The following DYSF variants were observed in gnomAD, a reference collection of about 807,000 sequenced individuals.
DYSF encodes the protein dystrophy-associated fer-1-like 1.
DYSF carries 212 observed loss-of-function variants against 274.9 expected under a neutral mutation model. That is an observed-to-expected ratio of 0.77 (90% CI 0.69 to 0.86). The LOEUF (loss-of-function observed/expected upper bound fraction) is 0.86. Ranked by LOEUF, DYSF falls within the 40% of genes least tolerant of loss-of-function variation. The probability of loss-of-function intolerance (pLI) is 0.00; values close to 1 mark genes in which losing one functional copy is unlikely to be tolerated. For synonymous variants in DYSF, 1,091 were observed against 1,078.7 expected (o/e 1.01, Z -0.22); for missense variants, 2,666 against 2,783.2 (o/e 0.96, Z 0.95).
chr2:71,625,881 G>A (rs1204419977), intron 41 of DYSF, among the ~76,000 whole-genome samples: 1 of 151,486 alleles, frequency 6.6e-6, no homozygotes, highest in Admixed American at 6.6e-5. Flanking sequence ...ATTATATTTA[G>A]TTCTAGCAAT....
intron 3 of DYSF, among the ~76,000 whole-genome samples, chr2:71,493,293 C>A (rs926528721): frequency 6.6e-6 from 1 of 152,170 alleles, no homozygotes; most frequent in Non-Finnish European, 1.5e-5. Context: ...TCCCCCAGTG[C>A]GGGATTCAGC....
chr2:71,612,905 G>A (rs764093921), intron 39 of DYSF, 99 bp downstream of exon 39: 36 of 1,407,386 alleles, frequency 2.6e-5, no homozygotes, highest in Admixed American at 6.7e-5. Flanking sequence ...CTTCTCTTAC[G>A]GAGACCTGAA....
At chr2:71,515,933 C>T (rs549194661) in intron 8 of DYSF, among the ~76,000 whole-genome samples, 182 bp downstream of exon 8, 11 of 152,316 alleles carry the variant, frequency 7.2e-5, no homozygotes, top group African/African-American at 2.6e-4. Context: ...GCTCTTACTT[C>T]TCCTGCTGCT....
chr2:71,509,576 C>T (rs532792195), intron 4 of DYSF, among the ~76,000 whole-genome samples: 1 of 152,156 alleles, frequency 6.6e-6, no homozygotes, highest in Non-Finnish European at 1.5e-5. Context: ...GTTGGCATTT[C>T]GTGGTCAGGA....
intron 44 of DYSF, among the ~76,000 whole-genome samples, chr2:71,660,217 G>A (rs1161434700): frequency 3.9e-5 from 6 of 152,214 alleles, no homozygotes; most frequent in Non-Finnish European, 8.8e-5. Context: ...ATATGCTTAA[G>A]CAGAGGTCAC....
At chr2:71,669,791 T>C in intron 51 of DYSF, 45 bp downstream of exon 51, 1 of 1,613,776 alleles carries the variant, frequency 6.2e-7, no homozygotes, top group Non-Finnish European at 8.5e-7. Flanking sequence ...CCAGGGCTTC[T>C]AAAGTTAGCC....
At chr2:71,543,036 C>T (rs1046085221) in intron 17 of DYSF, among the ~76,000 whole-genome samples, 4 of 151,128 alleles carry the variant, frequency 2.6e-5, no homozygotes, top group Admixed American at 6.6e-5. Flanking sequence ...GGTGGCTGGC[C>T]GGGCGGGGGC....
intron 29 of DYSF, among the ~76,000 whole-genome samples, chr2:71,571,086 GCACACA>G (rs1344105183): frequency 1.7e-5 from 2 of 120,700 alleles, no homozygotes; most frequent in African/African-American, 7.5e-5. Context: ...ATTACACCCA[GCACACA>G]CACAGATCAC....
intron 19 of DYSF, 94 bp downstream of exon 19, chr2:71,551,814 G>A: frequency 9.8e-7 from 1 of 1,020,782 alleles, no homozygotes; most frequent in East Asian, 2.5e-5. Context: ...GCCGAGGGAG[G>A]AGGAAGCTCT....
At chr2:71,665,094 C>T in intron 46 of DYSF, 68 bp from the exon 47 acceptor site, 1 of 1,607,806 alleles carries the variant, frequency 6.2e-7, no homozygotes, top group Non-Finnish European at 8.5e-7. Flanking sequence ...ACACCAGTCC[C>T]TGCATGCCCC....
intron 1 of DYSF, among the ~76,000 whole-genome samples, chr2:71,458,457 C>G (rs1479777638): frequency 2.0e-5 from 3 of 152,184 alleles, no homozygotes; most frequent in African/African-American, 7.2e-5. Context: ...CTGTCTGCCC[C>G]CAGGGACACT....
intron 3 of DYSF, among the ~76,000 whole-genome samples, chr2:71,502,871 C>T (rs1461326329): frequency 1.3e-5 from 2 of 152,278 alleles, no homozygotes; most frequent in East Asian, 1.9e-4. Context: ...GAGATACTGA[C>T]CTGGTGGACT....
At chr2:71,674,845 A>C (rs2095193402) in intron 52 of DYSF, among the ~76,000 whole-genome samples, 1 of 152,182 alleles carries the variant, frequency 6.6e-6, no homozygotes, top group African/African-American at 2.4e-5. Context: ...TATGGGGACA[A>C]GGAGGAAGAC....
At chr2:71,550,539 C>T (rs576027157) in intron 17 of DYSF, among the ~76,000 whole-genome samples, 19 of 151,742 alleles carry the variant, frequency 1.3e-4, no homozygotes, top group Admixed American at 3.9e-4. Flanking sequence ...GAGATGGTTT[C>T]TCTGGTTACC....
rs778634483 is a variant in DYSF at position 71,549,408 on chromosome 2, T to A, written c.1577-1633T>A. ...CCTCAGACTGTACGTTGCTGTCACC[T>A]TGGGGACAACCAGGGGAGTGGGGCC... is the stretch of plus-strand genomic sequence containing the variant. On this transcript the variant is annotated intron_variant, in intron 17 of 55. Coordinates refer to ENST00000410020, the MANE Select transcript of DYSF (RefSeq NM_001130987.2). 6.2e-7 allele frequency: 1 copy of A among 1,610,010 alleles called. No homozygotes were observed. The highest frequency in any genetic ancestry group is 1.3e-5 in the African/African-American group (1 of 74,796).
intron 1 of DYSF, among the ~76,000 whole-genome samples, chr2:71,470,944 A>G (rs1408828562): frequency 3.3e-5 from 5 of 151,750 alleles, no homozygotes; most frequent in Non-Finnish European, 1.5e-5. Flanking sequence ...GGCACCTGCA[A>G]CCATGCCTGG....
intron 1 of DYSF, chr2:71,454,139 A>G (rs2152621020): frequency 2.6e-6 from 4 of 1,549,634 alleles, no homozygotes; most frequent in South Asian, 1.1e-5. Context: ...AGAGGAGGGG[A>G]CGCCGCGGCT....
chr2:71,553,921 C>T lies in DYSF; in HGVS notation c.2099C>T (p.Ala700Val). Residue 700 changes from alanine to valine, a missense_variant, in exon 21 of 56, where the codon GCT (alanine) becomes GTT (valine). Around this residue, in one of 3 missense-constraint regions of DYSF, gnomAD observed 412 missense variants for 504.0 expected, o/e 0.82. Coordinates refer to ENST00000410020, the MANE Select transcript of DYSF (RefSeq NM_001130987.2). ...IETQNQLLGI[A>V]DRLEAGLEQV... ...ACTCAGAACCAGCTGCTTGGGATTG[C>T]TGACCGGCTGGTGAGTGAAAACTTG... 4.3e-6 allele frequency: 7 copies of T among 1,614,186 alleles called. No homozygotes were observed. The highest frequency in any genetic ancestry group is 5.9e-6 in the Non-Finnish European group (7 of 1,180,030).
intron 14 of DYSF, among the ~76,000 whole-genome samples, chr2:71,531,248 C>G (rs80110340): frequency 0.13 from 19,191 of 151,986 alleles, 1,377 homozygotes; most frequent in African/African-American, 0.18. Context: ...TGTTACCTCC[C>G]CTCTTCCCAC....
Sources: allele counts gnomAD v4.1 joint callset (sites outside exome capture counted in the v4.1 genomes callset), GRCh38; gene constraint gnomAD v4.1.1; regional missense constraint gnomAD v4.1.1; transcripts MANE v1.5; gene names NCBI Gene and HGNC (gene_info 2026-07-23, HGNC 2026-07-21).